Variants in EPHA2 observed in about 807,000 individuals in gnomAD.
EPHA2 encodes the protein ephrin type-A receptor 2.
Under a neutral mutation model 104.9 loss-of-function variants are expected in EPHA2, and 54 were observed. The ratio of observed to expected loss-of-function variants is 0.51; its 90% CI spans 0.41 to 0.65. The LOEUF (loss-of-function observed/expected upper bound fraction) is 0.65. EPHA2 is among the 30% of genes least tolerant of loss of function. EPHA2 has a pLI of 0.00. For synonymous variants in EPHA2, 560 were observed against 559.1 expected (o/e 1.00, Z -0.02); for missense variants, 1,117 against 1,369.5 (o/e 0.82, Z 2.91).
In EPHA2 at chr1:16,155,906, G is replaced by A; in HGVS notation, c.27C>T (p.Cys9=). The A allele has an allele frequency of 6.7e-7, 1 of 1,487,220 alleles. No individual in the cohort carries two copies. The highest frequency in any genetic ancestry group is 1.5e-5 in the African/African-American group (1 of 68,600). The allele number at this position is 1,487,220 out of a possible 1,614,324, so 92.1% of individuals were successfully genotyped here. ...GCGCACAGCCCCACAGCAGGGCGAAGCAGGCGCGGGCTGCCTGGAGCTCCA... is the reference window on the plus strand; with the variant it reads ...GCGCACAGCCCCACAGCAGGGCGAAACAGGCGCGGGCTGCCTGGAGCTCCA... The part of the protein sequence containing the change: MELQAARA[C]FALLWGCALA... Residue 9 remains cysteine (C), a synonymous_variant, in exon 1 of 17, where the codon TGC becomes TGT. Coordinates refer to ENST00000358432, the MANE Select transcript of EPHA2 (RefSeq NM_004431.5).
Position 16,130,333 on chromosome 1 carries a change from C to G in EPHA2, c.2562G>C (p.Trp854Cys). 11 of 1,602,290 alleles carry G rather than the reference C, an allele frequency of 6.9e-6. No homozygotes were observed. The highest frequency in any genetic ancestry group is 9.4e-6 in the Non-Finnish European group (11 of 1,171,642). The part of the protein sequence containing the change: ...SAIYQLMMQC[W>C]QQERARRPKF... Reference sequence around the variant, plus strand: ...TGGGGCGGCGGGCACGCTCCTGCTGCCAGCACTGCATCATGAGCTGGTAGA... The same window carrying G: ...TGGGGCGGCGGGCACGCTCCTGCTGGCAGCACTGCATCATGAGCTGGTAGA... The change falls in exon 15 of 17, where the codon TGG becomes TGC. Residue 854 changes from tryptophan to cysteine, a missense_variant. Trp to Cys is a radical substitution (Grantham distance 215). Coordinates refer to ENST00000358432, the MANE Select transcript of EPHA2 (RefSeq NM_004431.5). The surrounding 1 kb of genome is among the most constrained non-coding windows in gnomAD (Gnocchi z 4.5).
At chr1:16,151,514 C>T (rs549233348) in intron 1 of EPHA2, among the ~76,000 whole-genome samples, 2 of 151,348 alleles carry the variant, frequency 1.3e-5, no homozygotes, top group Non-Finnish European at 2.9e-5. Context: ...GTGCATCTTG[C>T]GGTACTCCAA....
In EPHA2 at chr1:16,125,276, C is replaced by T. The variant is rs765001639; in HGVS notation, c.2870G>A (p.Arg957His). 16 of 1,612,102 alleles carry T rather than the reference C, an allele frequency of 9.9e-6. No homozygotes were observed. Among genetic ancestry groups the T allele is most frequent in the Admixed American group, 1.7e-5 (1 of 59,926 alleles). ...GAGTCCCAGCAGGCTGTAGGCGATG[C>T]GCTTCTGGTGGCCGGGCAGCCGCAC... ...IGVRLPGHQK[R>H]IAYSLLGLKD... Residue 957 changes from arginine (R) to histidine (H), a missense_variant, in exon 17 of 17, where the codon CGC (arginine) becomes CAC (histidine). Physicochemically the swap from Arg to His is conservative, Grantham distance 29. Transcript: ENST00000358432. This position sits in a 1 kb window ranked among gnomAD's most constrained non-coding sequence, Gnocchi z 4.9.
In EPHA2 at chr1:16,128,286, G is replaced by T. The variant is rs907388649; in HGVS notation, c.2825+1148C>A. On this transcript the variant is annotated intron_variant, in intron 16 of 16. Coordinates refer to ENST00000358432, the MANE Select transcript of EPHA2 (RefSeq NM_004431.5). This position sits in a 1 kb window ranked among gnomAD's most constrained non-coding sequence, Gnocchi z 4.7. ...CCTGCTGGGCTGGCGGGCAGCAAAA[G>T]ACATCCTGTGATCCATCTCCCCTCC... Among the ~76,000 whole-genome samples the T allele has an allele frequency of 6.6e-6, 1 of 152,202 alleles. No individual in the cohort carries two copies. Among genetic ancestry groups the T allele is most frequent in the African/African-American group, 2.4e-5 (1 of 41,452 alleles).
Position 16,147,097 on chromosome 1 carries a change from T to C in EPHA2, c.823+1281A>G, listed in dbSNP as rs1005892632. Among the ~76,000 whole-genome samples, 3 of 152,242 alleles carry C rather than the reference T, an allele frequency of 2.0e-5. 1 individual carries two copies. The highest frequency in any genetic ancestry group is 4.1e-4 in the South Asian group (2 of 4,832). Reference sequence around the variant, plus strand: ...GGCCATTTCCAGAAAAAGTCACCCATTGAAAATCCACATTGCTGTGGAGAT... The same window carrying C: ...GGCCATTTCCAGAAAAAGTCACCCACTGAAAATCCACATTGCTGTGGAGAT... On this transcript the variant is annotated intron_variant, in intron 3 of 16. Transcript: ENST00000358432.
chr1:16,130,387 G>T lies in EPHA2; in HGVS notation c.2508C>A (p.Leu836=), dbSNP rs756977784. The T allele has an allele frequency of 1.9e-6, 3 of 1,554,890 alleles. No individual in the cohort carries two copies. The African/African-American group carries it at 4.1e-5, about 21-fold the overall frequency. Residue 836 remains leucine (L), a synonymous_variant, in exon 15 of 17, where the codon CTC becomes CTA. Coordinates refer to ENST00000358432, the MANE Select transcript of EPHA2 (RefSeq NM_004431.5). This position sits in a 1 kb window ranked among gnomAD's most constrained non-coding sequence, Gnocchi z 4.5. The part of the protein sequence containing the change: ...VMKAINDGFR[L]PTPMDCPSAI... ...CGGAGGGGCAGTCCATGGGTGTGGG[G>T]AGCCGGAAGCCATCATTGATGGCTT...
At chr1:16,154,403 T>G (rs536403722) in intron 1 of EPHA2, among the ~76,000 whole-genome samples, 132 of 152,172 alleles carry the variant, frequency 8.7e-4, no homozygotes, top group African/African-American at 3.1e-3. Context: ...AGATCCGGCC[T>G]CTTTTCCTCC....
chr1:16,147,559 GC>G (rs748128643), intron 3 of EPHA2, among the ~76,000 whole-genome samples: 7 of 151,956 alleles, frequency 4.6e-5, no homozygotes, highest in Non-Finnish European at 8.8e-5. Flanking sequence ...GGACCACAGT[GC>G]CGCTGTACCA....
At chr1:16,152,751 G>T (rs1441403363) in intron 1 of EPHA2, among the ~76,000 whole-genome samples, 3 of 152,202 alleles carry the variant, frequency 2.0e-5, no homozygotes, top group Non-Finnish European at 4.4e-5. Flanking sequence ...GCTTCTGAAG[G>T]GTTAACCTGG....
At chr1:16,144,639 A>G (rs1273544115) in intron 3 of EPHA2, among the ~76,000 whole-genome samples, 1 of 152,298 alleles carries the variant, frequency 6.6e-6, no homozygotes, top group East Asian at 1.9e-4. Flanking sequence ...AAACCACAGG[A>G]GGGAAGCTCG....
At position 16,150,811 on chromosome 1, in the gene EPHA2, G is replaced by A. The variant is rs550627555; in HGVS notation, c.153+85C>T. 7.9e-5 allele frequency: 117 copies of A among 1,482,768 alleles called. No homozygotes were observed. The African/African-American group carries it at 1.3e-3, about 17-fold the overall frequency. 91.9% of individuals were successfully genotyped at this position (1,482,768 alleles called of 1,614,324 possible). A position where few individuals can be genotyped will look rare whatever the true frequency, so the allele number is the denominator to read the frequency against. ...CTGCTGAATTGAAGCCAGGCCCCAC[G>A]CTCCCTGGGCCTCAGTTTCTCCATC... On this transcript the variant is annotated intron_variant, in intron 2 of 16. Transcript: ENST00000358432. This position sits in a 1 kb window ranked among gnomAD's most constrained non-coding sequence, Gnocchi z 4.8.
chr1:16,155,745 G>C (rs2025150807), intron 1 of EPHA2, 103 bp downstream of exon 1: 1 of 957,280 alleles, frequency 1.0e-6, no homozygotes, highest in East Asian at 3.3e-5. Flanking sequence ...GCCGGGACTG[G>C]GCGACACCAG....
chr1:16,143,220 GTGGAGGGGTGGATGGA>G (rs1226538741), intron 3 of EPHA2, among the ~76,000 whole-genome samples: 2 of 149,230 alleles, frequency 1.3e-5, no homozygotes, highest in African/African-American at 2.5e-5. Flanking sequence ...GGGTGGATGG[GTGGAGGGGTGGATGGA>G]TGGATGAGTG....
At position 16,130,313 on chromosome 1, in the gene EPHA2, C is replaced by T. The variant is rs1171805040; in HGVS notation, c.2582G>A (p.Arg861His). The T allele has an allele frequency of 6.2e-6, 10 of 1,608,448 alleles. No individual in the cohort carries two copies. Among genetic ancestry groups the T allele is most frequent in the Non-Finnish European group, 6.8e-6 (8 of 1,176,036 alleles). ...MQCWQQERAR[R>H]PKFADIVSIL... Reference sequence around the variant, plus strand: ...GCTGACGATGTCAGCGAACTTGGGGCGGCGGGCACGCTCCTGCTGCCAGCA... The same window carrying T: ...GCTGACGATGTCAGCGAACTTGGGGTGGCGGGCACGCTCCTGCTGCCAGCA... Residue 861 changes from arginine (R) to histidine (H), a missense_variant, in exon 15 of 17, where the codon CGC becomes CAC. Transcript: ENST00000358432. The surrounding 1 kb of genome is among the most constrained non-coding windows in gnomAD (Gnocchi z 4.5).
intron 1 of EPHA2, among the ~76,000 whole-genome samples, chr1:16,151,796 A>AT (rs2124271394): frequency 6.6e-6 from 1 of 152,264 alleles, no homozygotes; most frequent in Non-Finnish European, 1.5e-5. Flanking sequence ...AAGCCCTTGT[A>AT]GGGGACATTC....
intron 3 of EPHA2, among the ~76,000 whole-genome samples, chr1:16,141,315 G>C (rs2124238217): frequency 6.6e-6 from 1 of 152,286 alleles, no homozygotes; most frequent in Admixed American, 6.5e-5. Context: ...TCTCCTTCAA[G>C]CCCCGAATGT....
At chr1:16,136,119 C>G (rs1372273251) in intron 5 of EPHA2, among the ~76,000 whole-genome samples, 3 of 151,910 alleles carry the variant, frequency 2.0e-5, no homozygotes, top group African/African-American at 4.8e-5. Context: ...AATCCTCCTG[C>G]CTCAACCTCC....
rs2024556357 is a variant in EPHA2 at position 16,130,685 on chromosome 1, A to G, written c.2476-266T>C. ...CAGTCTGTCACCCAGGCTAGAGTGC[A>G]GTGGCGCTATCACACCTCACGGCAG... On this transcript the variant is annotated intron_variant, in intron 14 of 16. Coordinates refer to ENST00000358432, the MANE Select transcript of EPHA2 (RefSeq NM_004431.5). The surrounding 1 kb of genome is among the most constrained non-coding windows in gnomAD (Gnocchi z 4.5). Among the ~76,000 whole-genome samples, 2 of 151,666 alleles carry G rather than the reference A, an allele frequency of 1.3e-5. No individual in the cohort carries two copies. Among genetic ancestry groups the G allele is most frequent in the African/African-American group, 4.8e-5 (2 of 41,248 alleles).
Position 16,133,163 on chromosome 1 carries a change from C to T in EPHA2, c.2053+17G>A, listed in dbSNP as rs371984373. 1 of 1,612,540 alleles carries T rather than the reference C, an allele frequency of 6.2e-7. No individual in the cohort carries two copies. On this transcript the variant is annotated intron_variant, in intron 11 of 16. Transcript: ENST00000358432. ...GTGGCCCCTCTCCACCCAGTGTGGG[C>T]AGGCCCCAAGCCTCACATTTGGAGA... is the stretch of plus-strand genomic sequence containing the variant.
Sources: gnomAD v4.1 joint callset for allele counts (sites outside exome capture counted in the v4.1 genomes callset) on GRCh38, gnomAD v4.1.1 for gene constraint, Gnocchi (gnomAD v3.1) non-coding constraint, MANE v1.5 for transcripts, NCBI Gene and HGNC (gene_info 2026-07-23, HGNC 2026-07-21) for gene names.